OR1J2: variants seen among roughly 807,000 people sequenced by gnomAD.
The protein encoded by OR1J2 is olfactory receptor family 1 subfamily J member 2.
For synonymous variants in OR1J2, 142 were observed against 99.7 expected, an observed-to-expected ratio of 1.42 and a Z score of -2.52; for missense variants, 304 against 246.1, an observed-to-expected ratio of 1.24 and a Z score of -1.57.
chr9:122,486,344 A>G, the OR1J2 span, among the ~76,000 whole-genome samples: 3 of 152,278 alleles, frequency 2.0e-5, no homozygotes, highest in East Asian at 5.8e-4. Flanking sequence ...GCACTAGTAT[A>G]TTGTGAGCCT....
the OR1J2 span, among the ~76,000 whole-genome samples, chr9:122,576,254 C>G: frequency 6.6e-6 from 1 of 151,938 alleles, no homozygotes; most frequent in Non-Finnish European, 1.5e-5. Flanking sequence ...CAGAGTCTTG[C>G]TCTGTCACCC....
the OR1J2 span, among the ~76,000 whole-genome samples, chr9:122,458,984 A>G: frequency 6.6e-6 from 1 of 151,430 alleles, no homozygotes; most frequent in African/African-American, 2.4e-5. Flanking sequence ...CATCCTCCCT[A>G]CCCTTTGCAC....
chr9:122,511,584 C>A lies in OR1J2; in HGVS notation c.783C>A (p.Phe261Leu). The change falls in exon 1 of 1, where the codon TTC becomes TTA. Residue 261 changes from phenylalanine to leucine, a missense_variant. Physicochemically the swap from Phe to Leu is conservative, Grantham distance 22. Coordinates refer to ENST00000335302, the MANE Select transcript of OR1J2 (RefSeq NM_054107.1). Reference protein sequence around the residue: ...YYGSIFGQYLFPTVSSSIDKD... With the variant: ...YYGSIFGQYLLPTVSSSIDKD... ...GGTCAATATTTGGCCAGTACCTTTTCCCGACTGTAAGCAGTTCTATTGACA... is the reference window on the plus strand; with the variant it reads ...GGTCAATATTTGGCCAGTACCTTTTACCGACTGTAAGCAGTTCTATTGACA... The A allele has an allele frequency of 1.3e-6, 1 of 781,064 alleles. No homozygotes were observed. Among genetic ancestry groups the A allele is most frequent in the Non-Finnish European group, 2.4e-6 (1 of 418,128 alleles). 48.4% of individuals were successfully genotyped at this position (781,064 alleles called of 1,614,324 possible).
chr9:122,545,025 G>A, the OR1J2 span, among the ~76,000 whole-genome samples: 8 of 151,610 alleles, frequency 5.3e-5, no homozygotes, highest in Admixed American at 2.6e-4. Flanking sequence ...CAACATTTTG[G>A]TGTTACATTT....
chr9:122,449,172 T>C, the OR1J2 span, among the ~76,000 whole-genome samples: 2 of 152,096 alleles, frequency 1.3e-5, no homozygotes, highest in Non-Finnish European at 2.9e-5. Flanking sequence ...GGCACCACAC[T>C]ATGCACTGCA....
chr9:122,548,803 T>TTTG, the OR1J2 span, among the ~76,000 whole-genome samples: 32,613 of 140,056 alleles, frequency 0.23, 3,878 homozygotes, highest in Middle Eastern at 0.29. Flanking sequence ...TCCTGTGTGT[T>TTTG]TTGTTGTTGT....
chr9:122,481,019 C>G, the OR1J2 span, among the ~76,000 whole-genome samples: 3 of 152,126 alleles, frequency 2.0e-5, no homozygotes, highest in African/African-American at 7.2e-5. Context: ...TGGTCTTGAT[C>G]TCTTGACCTT....
chr9:122,527,697 C>T, the OR1J2 span, among the ~76,000 whole-genome samples: 1 of 152,186 alleles, frequency 6.6e-6, no homozygotes, highest in South Asian at 2.1e-4. Flanking sequence ...GACACATCCT[C>T]ATTCATTTTA....
chr9:122,577,348 A>G, the OR1J2 span, among the ~76,000 whole-genome samples: 1 of 152,214 alleles, frequency 6.6e-6, no homozygotes, highest in African/African-American at 2.4e-5. Flanking sequence ...AGGGCTTACA[A>G]TAACTTTACT....
chr9:122,470,820 T>C, the OR1J2 span, among the ~76,000 whole-genome samples: 5 of 152,228 alleles, frequency 3.3e-5, no homozygotes, highest in Non-Finnish European at 7.3e-5. Flanking sequence ...AAGGAGATCA[T>C]CTTGCAGCTT....
chr9:122,528,009 G>A, the OR1J2 span, among the ~76,000 whole-genome samples: 1 of 152,238 alleles, frequency 6.6e-6, no homozygotes, highest in East Asian at 1.9e-4. Flanking sequence ...AGGACCCAGA[G>A]CTCATAAATA....
At chr9:122,530,702 G>C in the OR1J2 span, among the ~76,000 whole-genome samples, 2 of 152,188 alleles carry the variant, frequency 1.3e-5, no homozygotes, top group Admixed American at 1.3e-4. Flanking sequence ...AGTCCGAAAA[G>C]AGAGTCAGCG....
the OR1J2 span, among the ~76,000 whole-genome samples, chr9:122,559,559 T>C: frequency 6.6e-6 from 1 of 152,330 alleles, no homozygotes; most frequent in Admixed American, 6.5e-5. Context: ...AACTTCTTGA[T>C]TTCTGCCTTA....
At chr9:122,554,885 C>A in the OR1J2 span, among the ~76,000 whole-genome samples, 1 of 152,108 alleles carries the variant, frequency 6.6e-6, no homozygotes, top group Non-Finnish European at 1.5e-5. Flanking sequence ...CTACACCATC[C>A]GTTCTCTGAA....
At chr9:122,505,930 A>G (rs944203848), upstream of OR1J2, among the ~76,000 whole-genome samples, 2 of 151,772 alleles carry the variant, frequency 1.3e-5, no homozygotes, top group Non-Finnish European at 1.5e-5. Context: ...TGATATAACC[A>G]TACCTAAGTT....
At chr9:122,488,402 G>A in the OR1J2 span, among the ~76,000 whole-genome samples, 1 of 152,204 alleles carries the variant, frequency 6.6e-6, no homozygotes, top group Non-Finnish European at 1.5e-5. Flanking sequence ...GCCTCCCAGA[G>A]TGCCTGGATT....
At chr9:122,510,275 C>T (rs1282869489), upstream of OR1J2, among the ~76,000 whole-genome samples, 2 of 152,140 alleles carry the variant, frequency 1.3e-5, no homozygotes, top group Non-Finnish European at 2.9e-5. Context: ...GGAATACTCG[C>T]CACATTAACT....
the OR1J2 span, among the ~76,000 whole-genome samples, chr9:122,484,162 G>A: frequency 6.6e-6 from 1 of 151,866 alleles, no homozygotes; most frequent in East Asian, 1.9e-4. Flanking sequence ...ATTTTTGGGG[G>A]TTTTTTGTTT....
At chr9:122,532,981 TA>T in the OR1J2 span, among the ~76,000 whole-genome samples, 1 of 151,952 alleles carries the variant, frequency 6.6e-6, no homozygotes, top group African/African-American at 2.4e-5. Flanking sequence ...TTGACTGAAG[TA>T]AAGGGGGCTG....
Sources: gnomAD v4.1 joint callset for allele counts (sites outside exome capture counted in the v4.1 genomes callset) on GRCh38, gnomAD v4.1.1 for gene constraint, MANE v1.5 for transcripts, NCBI Gene and HGNC (gene_info 2026-07-23, HGNC 2026-07-21) for gene names.